The following PRSS3 variants were observed in gnomAD, a reference collection of about 807,000 sequenced individuals.
The protein encoded by PRSS3 is trypsin-3.
A neutral mutation model predicts 20.8 loss-of-function variants in PRSS3; 14 were observed. The ratio of observed to expected loss-of-function variants is 0.67; its 90% confidence interval spans 0.44 to 1.05. PRSS3 has a LOEUF of 1.05. Ranked by LOEUF, PRSS3 falls within the 50% of genes least tolerant of loss-of-function variation. The pLI is 0.00. For synonymous variants in PRSS3, 91 were observed against 117.6 expected (o/e 0.77, Z 1.46); for missense variants, 237 against 306.4 (o/e 0.77, Z 1.69).
chr9:33,797,590 C>T (rs1587403541), intron 2 of PRSS3, among the ~76,000 whole-genome samples: 1 of 152,374 alleles, frequency 6.6e-6, no homozygotes, highest in Non-Finnish European at 1.5e-5. Context: ...GGAGCAGCCT[C>T]TGGTGGGATC....
At chr9:33,798,833 GC>G in intron 4 of PRSS3, 194 bp from the exon 5 acceptor site, 2 of 1,038,544 alleles carry the variant, frequency 1.9e-6, no homozygotes, top group Non-Finnish European at 2.8e-6. Context: ...TCCCTGCAGT[GC>G]CCCCATTGGG....
intron 1 of PRSS3, among the ~76,000 whole-genome samples, chr9:33,759,855 T>A (rs1200441225): frequency 6.6e-6 from 1 of 152,102 alleles, no homozygotes; most frequent in African/African-American, 2.4e-5. Context: ...CAAGGAGGAT[T>A]GTTGAGTAAA....
chr9:33,773,672 C>T (rs1823798923), intron 1 of PRSS3, among the ~76,000 whole-genome samples: 1 of 152,248 alleles, frequency 6.6e-6, no homozygotes, highest in Admixed American at 6.5e-5. Flanking sequence ...CACTCTGTCA[C>T]CCAGCGGTGG....
At position 33,764,300 on chromosome 9, in the gene PRSS3, G is replaced by A. The variant is rs151161107; in HGVS notation, c.-53+13573G>A. ...ACCTGTAATCCCAGCACTTTGGGAA[G>A]CCAAGGCTGAATCACCTGAGGTTAG... On this transcript the variant is annotated intron_variant, in intron 1 of 5. Transcript: ENST00000342836. Among the ~76,000 whole-genome samples, 334 of 152,338 alleles carry A rather than the reference G, an allele frequency of 2.2e-3. 1 individual carries two copies. Among genetic ancestry groups the A allele is most frequent in the Non-Finnish European group, 3.0e-3 (202 of 68,034 alleles).
At position 33,799,185 on chromosome 9, in the gene PRSS3, C is replaced by T. The variant is rs752581204; in HGVS notation, c.*5C>T. ...ACCATCGCTGCCAACAGCTAAAGCC[C>T]CCGGTCCCTCTGCAGTCTCTATACC... On this transcript the variant is annotated 3_prime_UTR_variant, in exon 5 of 5. Transcript: ENST00000379405. The T allele has an allele frequency of 1.2e-6, 2 of 1,614,048 alleles. No individual in the cohort carries two copies. Among genetic ancestry groups the T allele is most frequent in the Non-Finnish European group, 1.7e-6 (2 of 1,179,974 alleles).
chr9:33,769,220 A>G (rs1414576346), intron 1 of PRSS3, among the ~76,000 whole-genome samples: 1 of 152,256 alleles, frequency 6.6e-6, no homozygotes, highest in Non-Finnish European at 1.5e-5. Flanking sequence ...ATTTTTAGAA[A>G]AAAAGGAACC....
rs1358035727 is a variant in PRSS3, at chr9:33,795,591, C to T, written c.18C>T (p.Ile6=). 1.2e-6 allele frequency: 2 copies of T among 1,614,132 alleles called. No homozygotes were observed. Among genetic ancestry groups the T allele is most frequent in the Non-Finnish European group, 1.7e-6 (2 of 1,180,050 alleles). The part of the protein sequence containing the change: MNPFL[I]LAFVGAAVAV... Reference sequence around the variant, plus strand: ...CTACCACCATGAATCCATTCCTGATCCTTGCCTTTGTGGGAGCTGCTGGCG... The same window carrying T: ...CTACCACCATGAATCCATTCCTGATTCTTGCCTTTGTGGGAGCTGCTGGCG... Residue 6 remains isoleucine, a synonymous_variant, in exon 1 of 5, where the codon ATC becomes ATT. Coordinates refer to ENST00000379405, the MANE Select transcript of PRSS3 (RefSeq NM_002771.4).
In PRSS3 at chr9:33,780,513, C is replaced by A. The variant is rs184734747; in HGVS notation, c.-52-14233C>A. On this transcript the variant is annotated intron_variant, in intron 1 of 5. Transcript: ENST00000342836. ...CTATGCTGTCAAGTCTACATAACAA[C>A]CAGCTAACAACATGGGTATGAAATC... 6.4e-3 allele frequency among the ~76,000 whole-genome samples: 970 copies of A among 152,220 alleles called. 1 individual carries two copies. The highest frequency in any genetic ancestry group is 0.01 in the Non-Finnish European group (702 of 68,014).
At chr9:33,771,374 G>A (rs1459995959) in intron 1 of PRSS3, among the ~76,000 whole-genome samples, 7 of 151,494 alleles carry the variant, frequency 4.6e-5, no homozygotes, top group Non-Finnish European at 8.8e-5. Flanking sequence ...CTGGAGTGCT[G>A]GAGTGCAGTG....
In PRSS3 at chr9:33,784,950, A is replaced by T. The variant is rs372115022; in HGVS notation, c.-52-9796A>T. On this transcript the variant is annotated intron_variant, in intron 1 of 5. Coordinates refer to the PRSS3 transcript ENST00000342836. ...CTTGGATAGATTATTTAAGGTCTCT[A>T]GGTCTTATCTGTAAAATTTCCTAAT... Among the ~76,000 whole-genome samples, 15 of 152,166 alleles carry T rather than the reference A, an allele frequency of 9.9e-5. No individual in the cohort carries two copies. In the East Asian group the frequency reaches 1.7e-3, roughly 18 times the overall value.
intron 1 of PRSS3, among the ~76,000 whole-genome samples, chr9:33,767,496 A>G (rs1823487918): frequency 6.6e-6 from 1 of 152,070 alleles, no homozygotes; most frequent in African/African-American, 2.4e-5. Flanking sequence ...TGAGGTCATT[A>G]GGACAGTAAT....
At chr9:33,794,275 C>T (rs1824790810), upstream of PRSS3, among the ~76,000 whole-genome samples, 1 of 152,202 alleles carries the variant, frequency 6.6e-6, no homozygotes. Flanking sequence ...GAACTCTGCT[C>T]ACTCCTGCCC....
chr9:33,770,688 A>C (rs576190534), intron 1 of PRSS3, among the ~76,000 whole-genome samples: 7 of 152,336 alleles, frequency 4.6e-5, no homozygotes, highest in African/African-American at 1.4e-4. Flanking sequence ...AGACACACAC[A>C]AGAGGATGAC....
chr9:33,798,925 C>A, intron 4 of PRSS3, 103 bp from the exon 5 acceptor site: 1 of 1,454,186 alleles, frequency 6.9e-7, no homozygotes, highest in South Asian at 1.2e-5. Flanking sequence ...GGACGTGGAG[C>A]CACAGAGCTG....
Position 33,786,594 on chromosome 9 carries a change from T to C in PRSS3, c.-52-8152T>C, listed in dbSNP as rs2119032134. ...GATATCTGTCAACGTGGAACCTCCA[T>C]GATGATCCAGTGTCAAGTCGACAGC... On this transcript the variant is annotated intron_variant, in intron 1 of 5. Coordinates refer to the PRSS3 transcript ENST00000342836. 3 of 766,382 alleles carry C rather than the reference T, an allele frequency of 3.9e-6. No individual in the cohort carries two copies. The East Asian group carries it at 7.3e-5, about 19-fold the overall frequency. 47.5% of individuals were successfully genotyped at this position (766,382 alleles called of 1,614,324 possible).
At chr9:33,766,171 A>G (rs1001200234) in intron 1 of PRSS3, among the ~76,000 whole-genome samples, 6 of 146,508 alleles carry the variant, frequency 4.1e-5, no homozygotes, top group African/African-American at 7.5e-5. Flanking sequence ...AGGCTGAGGC[A>G]GGAGAATCGC....
Position 33,799,148 on chromosome 9 carries a change from T to C in PRSS3, c.712T>C (p.Trp238Arg). The change falls in exon 5 of 5, where the codon TGG (tryptophan) becomes CGG (arginine). Residue 238 changes from tryptophan (W) to arginine (R), a missense_variant. Coordinates refer to ENST00000379405, the MANE Select transcript of PRSS3 (RefSeq NM_002771.4). ...VYTKVYNYVDWIKDTIAANS is the reference protein window; with the variant it reads ...VYTKVYNYVDRIKDTIAANS ...CACCAAGGTCTACAACTATGTGGACTGGATTAAGGACACCATCGCTGCCAA... is the reference window on the plus strand; with the variant it reads ...CACCAAGGTCTACAACTATGTGGACCGGATTAAGGACACCATCGCTGCCAA... 1 of 1,614,212 alleles carries C rather than the reference T, an allele frequency of 6.2e-7. No individual in the cohort carries two copies. The highest frequency in any genetic ancestry group is 8.5e-7 in the Non-Finnish European group (1 of 1,180,034).
At chr9:33,760,745 C>CAAAAAA (rs61678518) in intron 1 of PRSS3, among the ~76,000 whole-genome samples, 10 of 101,334 alleles carry the variant, frequency 9.9e-5, no homozygotes, top group Non-Finnish European at 1.3e-4. Flanking sequence ...GACTCTGTCA[C>CAAAAAA]AAAAAAAAAA....
rs114562478 is a variant in PRSS3 at position 33,762,805 on chromosome 9, G to A, written c.-53+12078G>A. Among the ~76,000 whole-genome samples, 908 of 152,242 alleles carry A rather than the reference G, an allele frequency of 6.0e-3. 7 individuals carry two copies. The highest frequency in any genetic ancestry group is 0.02 in the African/African-American group (846 of 41,536). The stretch of plus-strand genomic sequence containing the variant: ...TCAAAAGCAAAGAACAGCAACTTTA[G>A]GTCAAAATATATTCTTCCAGGAGAG... On this transcript the variant is annotated intron_variant, in intron 1 of 5. Transcript: ENST00000342836.
Sources: gnomAD v4.1 joint callset for allele counts (sites outside exome capture counted in the v4.1 genomes callset) on GRCh38, gnomAD v4.1.1 for gene constraint, MANE v1.5 for transcripts, NCBI Gene and HGNC (gene_info 2026-07-23, HGNC 2026-07-21) for gene names.